CSMD1: variants seen among roughly 807,000 people sequenced by gnomAD.
CSMD1 encodes the protein CUB and Sushi multiple domains 1.
A neutral mutation model predicts 417.5 loss-of-function variants in CSMD1; 213 were observed. The ratio of observed to expected loss-of-function variants is 0.51; its 90% CI spans 0.46 to 0.57. CSMD1 has a LOEUF of 0.57. Among genes scored for constraint, CSMD1 ranks in the 20% least tolerant of loss-of-function variants. CSMD1 has a pLI of 0.00. For missense variants in CSMD1, 6,923 were observed against 4,529.7 expected, an observed-to-expected ratio of 1.53 and a Z score of -15.17; for synonymous variants, 2,862 against 1,736.8, an observed-to-expected ratio of 1.65 and a Z score of -16.11.
chr8:3,277,613 C>A (rs7813353), intron 26 of CSMD1, among the ~76,000 whole-genome samples: 52,930 of 151,958 alleles, frequency 0.35, 9,310 homozygotes, highest in African/African-American at 0.38. Flanking sequence ...TTACCAAAAC[C>A]GGGAAGATGT....
chr8:3,150,204 C>A (rs921150088), intron 40 of CSMD1, among the ~76,000 whole-genome samples: 1 of 152,142 alleles, frequency 6.6e-6, no homozygotes, highest in African/African-American at 2.4e-5. Context: ...CCAAGAAACC[C>A]GGGAGAAACA....
chr8:4,139,823 G>A (rs1007790288), intron 3 of CSMD1, among the ~76,000 whole-genome samples: 2 of 151,026 alleles, frequency 1.3e-5, no homozygotes, highest in South Asian at 2.1e-4. Context: ...ATTCCACAGA[G>A]GGCCTTGGAG....
intron 1 of CSMD1, among the ~76,000 whole-genome samples, chr8:4,807,386 C>T (rs1019569522): frequency 2.6e-5 from 4 of 152,224 alleles, no homozygotes; most frequent in South Asian, 2.1e-4. Context: ...CCCTCACTGC[C>T]GGGTGGGAAA....
chr8:4,007,204 A>G (rs373604651), intron 4 of CSMD1, among the ~76,000 whole-genome samples: 1 of 152,118 alleles, frequency 6.6e-6, no homozygotes, highest in Admixed American at 6.6e-5. Flanking sequence ...TGCCTTCTAT[A>G]TATTTTCTAT....
chr8:4,764,885 A>AC (rs1263324929), intron 1 of CSMD1, among the ~76,000 whole-genome samples: 14 of 74,782 alleles, frequency 1.9e-4, no homozygotes, highest in South Asian at 4.8e-4. Flanking sequence ...AAAAAAAAAA[A>AC]AAAAAAAAAC....
chr8:3,400,983 A>T (rs964614043), intron 15 of CSMD1, among the ~76,000 whole-genome samples: 1 of 151,476 alleles, frequency 6.6e-6, no homozygotes, highest in Admixed American at 6.6e-5. Context: ...TAATATTTTA[A>T]TTTTTCTTGT....
intron 5 of CSMD1, among the ~76,000 whole-genome samples, chr8:3,958,127 C>G (rs1430774768): frequency 3.3e-5 from 5 of 152,086 alleles, no homozygotes; most frequent in Middle Eastern, 3.2e-3. Flanking sequence ...GTTAATGAAG[C>G]TGCCAAAGTC....
intron 10 of CSMD1, among the ~76,000 whole-genome samples, chr8:3,496,558 T>C (rs982700657): frequency 1.3e-5 from 2 of 152,228 alleles, no homozygotes; most frequent in African/African-American, 2.4e-5. Context: ...TGGTATGTTG[T>C]ATTTCTATTT....
chr8:4,769,869 C>T (rs909145517), intron 1 of CSMD1, among the ~76,000 whole-genome samples: 1 of 152,062 alleles, frequency 6.6e-6, no homozygotes, highest in Non-Finnish European at 1.5e-5. Context: ...ATGCATCCCA[C>T]CACTAACATC....
In CSMD1 at chr8:3,493,497, T is replaced by G. The variant is rs992339717; in HGVS notation, c.1448+126A>C. ...CAAAATGAGATTGCAGGCCACTACA[T>G]TAGCCATAGATGGCACTAAGCAAAC... On this transcript the variant is annotated intron_variant, in intron 11 of 69. Coordinates refer to ENST00000635120, the MANE Select transcript of CSMD1 (RefSeq NM_033225.6). 5 of 662,066 alleles carry G rather than the reference T, an allele frequency of 7.6e-6. No homozygotes were observed. In the African/African-American group the frequency reaches 9.0e-5, roughly 12 times the overall value. The allele number at this position is 662,066 out of a possible 1,614,324, so 41.0% of individuals were successfully genotyped here. A position where few individuals can be genotyped will look rare whatever the true frequency, so the allele number is the denominator to read the frequency against.
intron 2 of CSMD1, among the ~76,000 whole-genome samples, chr8:4,454,033 G>T (rs7834629): frequency 1.3e-4 from 19 of 151,260 alleles, no homozygotes; most frequent in Admixed American, 3.9e-4. Context: ...CGTGTTAGCC[G>T]GGATGGTCTC....
intron 3 of CSMD1, among the ~76,000 whole-genome samples, chr8:4,379,675 AGGGGAAGAGG>A (rs1232495522): frequency 1.3e-5 from 2 of 149,798 alleles, no homozygotes; most frequent in Non-Finnish European, 3.0e-5. Flanking sequence ...TAGTTCTTAC[AGGGGAAGAGG>A]GCAATGAAGC....
chr8:4,170,372 A>C (rs969201589), intron 3 of CSMD1, among the ~76,000 whole-genome samples: 1 of 151,932 alleles, frequency 6.6e-6, no homozygotes, highest in Non-Finnish European at 1.5e-5. Context: ...TAATTTATGA[A>C]AAATTGAATT....
chr8:4,459,422 C>T (rs548860482), intron 2 of CSMD1, among the ~76,000 whole-genome samples: 9 of 152,270 alleles, frequency 5.9e-5, no homozygotes, highest in South Asian at 2.1e-4. Context: ...CTCTGCCCCA[C>T]GTCTGAAGCA....
intron 3 of CSMD1, among the ~76,000 whole-genome samples, chr8:4,195,203 C>T (rs1233983100): frequency 1.3e-5 from 2 of 152,082 alleles, no homozygotes; most frequent in Non-Finnish European, 2.9e-5. Context: ...TAAACTAAAA[C>T]CTTGGGTGCA....
At chr8:2,974,231 CGGA>C (rs1357144655) in intron 56 of CSMD1, among the ~76,000 whole-genome samples, 1 of 152,146 alleles carries the variant, frequency 6.6e-6, no homozygotes, top group Non-Finnish European at 1.5e-5. Context: ...CTGAGAACCC[CGGA>C]GGAGAACATT....
chr8:4,916,129 C>A (rs925097697), intron 1 of CSMD1, among the ~76,000 whole-genome samples: 6 of 152,124 alleles, frequency 3.9e-5, no homozygotes, highest in African/African-American at 1.4e-4. Flanking sequence ...CTGATGAAGT[C>A]AGGAAGATAA....
chr8:4,079,792 G>C (rs183995791), intron 3 of CSMD1, among the ~76,000 whole-genome samples: 8 of 152,158 alleles, frequency 5.3e-5, no homozygotes, highest in African/African-American at 1.7e-4. Context: ...CTTTTCATCA[G>C]GTTAGTAGCA....
chr8:4,807,613 A>G (rs1480406868), intron 1 of CSMD1, among the ~76,000 whole-genome samples: 2 of 152,218 alleles, frequency 1.3e-5, no homozygotes, highest in African/African-American at 4.8e-5. Flanking sequence ...AATAGTAATG[A>G]CAGTAATAAT....
Sources: allele counts gnomAD v4.1 joint callset (sites outside exome capture counted in the v4.1 genomes callset), GRCh38; gene constraint gnomAD v4.1.1; transcripts MANE v1.5; gene names NCBI Gene and HGNC (gene_info 2026-07-23, HGNC 2026-07-21).